NUDC: variants seen among roughly 807,000 people sequenced by gnomAD.
The protein encoded by NUDC is nuclear migration protein nudC.
Under a neutral mutation model 45.0 loss-of-function variants are expected in NUDC, and 14 were observed. That is an observed-to-expected ratio of 0.31 (90% confidence interval 0.21 to 0.49). NUDC has a LOEUF of 0.49. NUDC is among the 20% of genes least tolerant of loss of function. NUDC has a pLI of 0.99. For synonymous variants in NUDC, 153 were observed against 156.7 expected, an observed-to-expected ratio of 0.98 and a Z score of 0.17; for missense variants, 323 against 426.2, an observed-to-expected ratio of 0.76 and a Z score of 2.13.
intron 2 of NUDC, among the ~76,000 whole-genome samples, chr1:26,934,666 T>TTG: frequency 6.6e-6 from 1 of 151,968 alleles, no homozygotes; most frequent in African/African-American, 2.4e-5. Flanking sequence ...ACAGAGGTTT[T>TTG]TTTTTTTTTT....
intron 2 of NUDC, among the ~76,000 whole-genome samples, chr1:26,931,538 T>G (rs1433632502): frequency 6.8e-6 from 1 of 147,246 alleles, no homozygotes; most frequent in Non-Finnish European, 1.5e-5. Context: ...CCCAGCACTT[T>G]GGGAGGCCGA....
intron 2 of NUDC, among the ~76,000 whole-genome samples, chr1:26,929,919 G>A (rs1557675008): frequency 6.6e-6 from 1 of 152,066 alleles, no homozygotes. Context: ...AGCTACTCGG[G>A]AGGCTGAGGC....
In NUDC at chr1:26,943,049, C is replaced by A; in HGVS notation, c.725C>A (p.Thr242Asn). 6.2e-7 allele frequency: 1 copy of A among 1,614,070 alleles called. No homozygotes were observed. Among genetic ancestry groups the A allele is most frequent in the Non-Finnish European group, 8.5e-7 (1 of 1,180,014 alleles). ...CTCATTGAGGACGGCAAGGTGGTGA[C>A]TGTGCATCTGGAGAAGGTATGTGAG... ...SWLIEDGKVV[T>N]VHLEKINKME... The change falls in exon 6 of 9, where the codon ACT (threonine) becomes AAT (asparagine). Residue 242 changes from threonine (T) to asparagine (N), a missense_variant. By Grantham distance (65) the Thr-to-Asn change is moderately conservative. This residue lies in a region of NUDC where 245 missense variants were observed against 278.8 expected (regional missense o/e 0.88). Coordinates refer to ENST00000321265, the MANE Select transcript of NUDC (RefSeq NM_006600.4).
chr1:26,917,973 T>TAC (rs113458577), upstream of NUDC, among the ~76,000 whole-genome samples: 3,973 of 147,484 alleles, frequency 0.027, 86 homozygotes, highest in African/African-American at 0.049. Context: ...AATGAATGTG[T>TAC]ACACACACAC....
chr1:26,933,937 G>A (rs1042499820), intron 2 of NUDC, among the ~76,000 whole-genome samples: 9 of 152,070 alleles, frequency 5.9e-5, no homozygotes, highest in Non-Finnish European at 1.0e-4. Context: ...GGCAGATCAC[G>A]AGGTCAGGAG....
upstream of NUDC, among the ~76,000 whole-genome samples, chr1:26,920,488 A>G (rs947582849): frequency 1.3e-5 from 2 of 151,910 alleles, no homozygotes; most frequent in Admixed American, 6.6e-5. Context: ...CTAAAAAAAA[A>G]AAGAAGAATA....
At position 26,924,183 on chromosome 1, in the gene NUDC, A is replaced by C; in HGVS notation, c.159+17A>C. 6.2e-7 allele frequency: 1 copy of C among 1,611,246 alleles called. No individual in the cohort carries two copies. The highest frequency in any genetic ancestry group is 8.5e-7 in the Non-Finnish European group (1 of 1,177,446). ...GCAGAGAAGGTAAGTGTTGGAAACCACTGTCCTTTGGGCGGCTCTGTCTCT... is the reference window on the plus strand; with the variant it reads ...GCAGAGAAGGTAAGTGTTGGAAACCCCTGTCCTTTGGGCGGCTCTGTCTCT... On this transcript the variant is annotated intron_variant, in intron 2 of 8. Transcript: ENST00000321265.
chr1:26,922,990 G>T (rs752746159), intron 1 of NUDC, among the ~76,000 whole-genome samples: 4 of 152,224 alleles, frequency 2.6e-5, no homozygotes, highest in African/African-American at 4.8e-5. Context: ...AAACCATTGA[G>T]ATATGTTCTA....
At chr1:26,900,410 C>G (rs138814947) in intron 1 of NUDC, 1 of 1,611,374 alleles carries the variant, frequency 6.2e-7, no homozygotes, top group East Asian at 2.2e-5. Flanking sequence ...GGTAAACTGT[C>G]GCCTCCTCCT....
chr1:26,944,011 G>C (rs1025390324), intron 6 of NUDC, among the ~76,000 whole-genome samples: 1 of 151,860 alleles, frequency 6.6e-6, no homozygotes, highest in African/African-American at 2.4e-5. Flanking sequence ...CAGTGTAGCT[G>C]GGACTACAGG....
upstream of NUDC, among the ~76,000 whole-genome samples, chr1:26,917,060 C>A (rs1315084326): frequency 6.6e-6 from 1 of 152,022 alleles, no homozygotes; most frequent in Non-Finnish European, 1.5e-5. Context: ...GAGTTCGAGA[C>A]CAGCCTGGCC....
At chr1:26,932,988 A>G (rs1376264357) in intron 2 of NUDC, among the ~76,000 whole-genome samples, 3 of 151,880 alleles carry the variant, frequency 2.0e-5, no homozygotes, top group African/African-American at 4.8e-5. Flanking sequence ...TTTTTGAGAC[A>G]AGTCTTGCTC....
chr1:26,928,676 G>A (rs2082153555), intron 2 of NUDC, among the ~76,000 whole-genome samples: 1 of 152,126 alleles, frequency 6.6e-6, no homozygotes, highest in African/African-American at 2.4e-5. Context: ...CAGTCTTGGT[G>A]ACAGAGCAGG....
At chr1:26,906,733 C>T (rs1226135623) in intron 2 of NUDC, among the ~76,000 whole-genome samples, 9 of 152,014 alleles carry the variant, frequency 5.9e-5, no homozygotes, top group Non-Finnish European at 8.8e-5. Context: ...CCTGTAGTCC[C>T]AGCTACTCGG....
At chr1:26,905,056 C>T (rs1463772187) in intron 2 of NUDC, among the ~76,000 whole-genome samples, 2 of 150,792 alleles carry the variant, frequency 1.3e-5, no homozygotes, top group Non-Finnish European at 3.0e-5. Flanking sequence ...AGGCTGATCT[C>T]GAACTCCTGA....
At chr1:26,915,540 T>G (rs903924924) in intron 3 of NUDC, among the ~76,000 whole-genome samples, 2 of 152,226 alleles carry the variant, frequency 1.3e-5, no homozygotes, top group African/African-American at 2.4e-5. Context: ...CTGCATGCTG[T>G]TGGGCAGCCT....
intron 2 of NUDC, chr1:26,929,638 C>A: frequency 5.8e-6 from 2 of 344,538 alleles, no homozygotes; most frequent in East Asian, 8.0e-5. Flanking sequence ...GGTGGGACTA[C>A]CCTATTGCAT....
At chr1:26,915,780 C>T (rs2082058920) in intron 3 of NUDC, among the ~76,000 whole-genome samples, 1 of 152,190 alleles carries the variant, frequency 6.6e-6, no homozygotes, top group East Asian at 1.9e-4. Context: ...CCCCTTTCCT[C>T]TGTGGAGCTG....
At chr1:26,903,786 G>A (rs534909553) in intron 2 of NUDC, among the ~76,000 whole-genome samples, 67 of 151,932 alleles carry the variant, frequency 4.4e-4, no homozygotes, top group African/African-American at 1.5e-3. Context: ...CGAGGTGGGC[G>A]GATCACAAGG....
Sources: allele counts gnomAD v4.1 joint callset (sites outside exome capture counted in the v4.1 genomes callset), GRCh38; gene constraint gnomAD v4.1.1; regional missense constraint gnomAD v4.1.1; transcripts MANE v1.5; gene names NCBI Gene and HGNC (gene_info 2026-07-23, HGNC 2026-07-21).